Variants in RAI1 observed in about 807,000 individuals in gnomAD.
RAI1 encodes retinoic acid-induced protein 1.
In RAI1, 9 loss-of-function variants were observed where a neutral mutation model predicts 123.8. The observed-to-expected ratio is 0.07, with a 90% confidence interval of 0.04 to 0.13. RAI1 has a LOEUF of 0.13. Ranked by LOEUF, RAI1 falls within the 10% of genes least tolerant of loss-of-function variation. The pLI is 1.00. For synonymous variants in RAI1, 1,231 were observed against 1,127.3 expected (o/e 1.09, Z -1.84); for missense variants, 2,256 against 2,545.8 (o/e 0.89, Z 2.45).
intron 4 of RAI1, among the ~76,000 whole-genome samples, chr17:17,807,066 C>A (rs1917197639): frequency 6.6e-6 from 1 of 152,040 alleles, no homozygotes. Context: ...CTGGAAGGGA[C>A]AAAATAGCAG....
intron 2 of RAI1, among the ~76,000 whole-genome samples, chr17:17,725,720 C>T (rs1008388169): frequency 2.6e-5 from 4 of 152,104 alleles, no homozygotes; most frequent in Admixed American, 2.6e-4. Flanking sequence ...GCCAGGCTAT[C>T]AAGGTGCCCC....
chr17:17,785,382 A>G (rs2031792177), intron 2 of RAI1, among the ~76,000 whole-genome samples: 1 of 152,194 alleles, frequency 6.6e-6, no homozygotes, highest in Non-Finnish European at 1.5e-5. Context: ...TTATCCAAGT[A>G]ATACTGAAGG....
chr17:17,796,602 C>T lies in RAI1; in HGVS notation c.3654C>T (p.Pro1218=). ...CAGGCAGCAAGCTCTCTGACCGGCC[C>T]CTCCATGCGCTCAAAAGGAAGTCGG... ...PGAGSKLSDR[P]LHALKRKSAF... is the part of the protein sequence containing the mutation. The change falls in exon 3 of 6, where the codon CCC becomes CCT. Residue 1218 remains proline, a synonymous_variant. Transcript: ENST00000353383. This position sits in a 1 kb window ranked among gnomAD's most constrained non-coding sequence, Gnocchi z 5.8. 6.2e-7 allele frequency: 1 copy of T among 1,612,160 alleles called. No homozygotes were observed. Among genetic ancestry groups the T allele is most frequent in the Non-Finnish European group, 8.5e-7 (1 of 1,179,924 alleles).
intron 1 of RAI1, among the ~76,000 whole-genome samples, chr17:17,702,919 C>T (rs1044505881): frequency 1.3e-5 from 2 of 152,204 alleles, no homozygotes; most frequent in African/African-American, 4.8e-5. Context: ...TTTGTAACTG[C>T]GGAGCTGTGC....
intron 2 of RAI1, among the ~76,000 whole-genome samples, chr17:17,733,099 C>G (rs1010719218): frequency 6.6e-5 from 10 of 152,226 alleles, no homozygotes; most frequent in Admixed American, 5.9e-4. Flanking sequence ...CACCTGGTTC[C>G]CTGCAGTTCC....
At chr17:17,688,502 C>T (rs1254337838) in intron 1 of RAI1, among the ~76,000 whole-genome samples, 2 of 145,208 alleles carry the variant, frequency 1.4e-5, no homozygotes, top group Non-Finnish European at 3.1e-5. Context: ...AATAAATAAA[C>T]AAAATGAGGA....
At chr17:17,735,085 C>T (rs982618272) in intron 2 of RAI1, among the ~76,000 whole-genome samples, 3 of 151,352 alleles carry the variant, frequency 2.0e-5, no homozygotes, top group South Asian at 4.1e-4. Flanking sequence ...CGGAGTCTTG[C>T]TCTGTTGCCT....
At chr17:17,764,536 G>A (rs896134139) in intron 2 of RAI1, among the ~76,000 whole-genome samples, 8 of 149,540 alleles carry the variant, frequency 5.3e-5, no homozygotes, top group African/African-American at 1.7e-4. Flanking sequence ...GCAGTGGTGC[G>A]ATCTCGCCTC....
At chr17:17,768,570 C>T (rs1055764134) in intron 2 of RAI1, among the ~76,000 whole-genome samples, 1 of 152,240 alleles carries the variant, frequency 6.6e-6, no homozygotes, top group Non-Finnish European at 1.5e-5. Flanking sequence ...CCAGGCAGTG[C>T]TCTGACCATC....
At chr17:17,787,875 G>A (rs2031879791) in intron 2 of RAI1, among the ~76,000 whole-genome samples, 1 of 152,174 alleles carries the variant, frequency 6.6e-6, no homozygotes, top group Non-Finnish European at 1.5e-5. Flanking sequence ...GGTCTCAGCT[G>A]TCCCCACAGC....
rs535388214 is a variant in RAI1, at chr17:17,745,135, G to C, written c.-17+20976G>C. 7.4e-4 allele frequency among the ~76,000 whole-genome samples: 112 copies of C among 152,306 alleles called. 1 individual carries two copies. The highest frequency in any genetic ancestry group is 2.6e-3 in the African/African-American group (107 of 41,552). ...ACTAACTGTGGGTTGGCAGGACAGG[G>C]AATGGGGATCGGGGAACCTTGAAGG... On this transcript the variant is annotated intron_variant, in intron 2 of 5. Transcript: ENST00000353383.
chr17:17,726,696 A>G (rs1490190207), intron 2 of RAI1, among the ~76,000 whole-genome samples: 1 of 150,880 alleles, frequency 6.6e-6, no homozygotes, highest in Non-Finnish European at 1.5e-5. Flanking sequence ...TTTTTGAAAT[A>G]TATATTGTAA....
chr17:17,767,873 A>G (rs1598065166), intron 2 of RAI1, among the ~76,000 whole-genome samples: 1 of 152,206 alleles, frequency 6.6e-6, no homozygotes. Flanking sequence ...ACTGCCACCA[A>G]GTACGTAGTT....
intron 1 of RAI1, among the ~76,000 whole-genome samples, chr17:17,696,048 AAGAACTTCCC>A (rs1278263166): frequency 3.9e-5 from 6 of 152,216 alleles, no homozygotes; most frequent in Non-Finnish European, 7.3e-5. Flanking sequence ...TGCCATCGGA[AAGAACTTCCC>A]AGTCCTAAGC....
chr17:17,754,849 G>A (rs1410484056), intron 2 of RAI1, among the ~76,000 whole-genome samples: 2 of 152,176 alleles, frequency 1.3e-5, no homozygotes, highest in Non-Finnish European at 2.9e-5. Flanking sequence ...CTACATAGTA[G>A]GTGCTTGGTA....
intron 1 of RAI1, among the ~76,000 whole-genome samples, chr17:17,703,677 T>C (rs541996435): frequency 3.4e-4 from 51 of 152,192 alleles, no homozygotes; most frequent in African/African-American, 1.2e-3. Context: ...GCTTGCTCTG[T>C]TTGCCGAGGC....
In RAI1 at chr17:17,794,165, C is replaced by T. The variant is rs1051343424; in HGVS notation, c.1217C>T (p.Ser406Phe). 1.9e-6 allele frequency: 3 copies of T among 1,613,876 alleles called. No homozygotes were observed. Among genetic ancestry groups the T allele is most frequent in the Non-Finnish European group, 2.5e-6 (3 of 1,180,046 alleles). ...CCCTCCCCAACGGATGCCACCAGCT[C>T]TGTGGACACCCAGGCTGGCAACTGC... ...LNPSPTDATS[S>F]VDTQAGNCKP... is the part of the protein sequence containing the mutation. The change falls in exon 3 of 6, where the codon TCT becomes TTT. Residue 406 changes from serine to phenylalanine, a missense_variant. Ser to Phe is a radical substitution (Grantham distance 155, BLOSUM62 -2). This residue lies in a region of RAI1 where 357 missense variants were observed against 480.2 expected (regional missense o/e 0.74). Coordinates refer to ENST00000353383, the MANE Select transcript of RAI1 (RefSeq NM_030665.4).
intron 1 of RAI1, among the ~76,000 whole-genome samples, chr17:17,715,488 C>T (rs1172541009): frequency 6.6e-6 from 1 of 152,230 alleles, no homozygotes; most frequent in African/African-American, 2.4e-5. Flanking sequence ...CACCCCCTCC[C>T]ATGGTGCAGC....
At chr17:17,750,276 G>A (rs892966074) in intron 2 of RAI1, among the ~76,000 whole-genome samples, 1 of 152,208 alleles carries the variant, frequency 6.6e-6, no homozygotes, top group Non-Finnish European at 1.5e-5. Context: ...AACCGTTACC[G>A]AGTCCTTGTC....
Sources: gnomAD v4.1 joint callset for allele counts (sites outside exome capture counted in the v4.1 genomes callset) on GRCh38, gnomAD v4.1.1 for gene constraint, gnomAD v4.1.1 regional missense constraint, Gnocchi (gnomAD v3.1) non-coding constraint, MANE v1.5 for transcripts, NCBI Gene and HGNC (gene_info 2026-07-23, HGNC 2026-07-21) for gene names.